SGCG: variants seen among roughly 807,000 people sequenced by gnomAD.
SGCG encodes gamma-sarcoglycan.
SGCG carries 26 observed loss-of-function variants against 29.3 expected under a neutral mutation model. That is an observed-to-expected ratio of 0.89 (90% CI 0.65 to 1.23). The LOEUF (loss-of-function observed/expected upper bound fraction) is 1.23, where lower values mean the gene tolerates loss of function less well. SGCG is among the 50% of genes most tolerant of loss of function. The pLI is 0.00. For synonymous variants in SGCG, 145 were observed against 129.7 expected, an observed-to-expected ratio of 1.12 and a Z score of -0.80; for missense variants, 353 against 356.0, an observed-to-expected ratio of 0.99 and a Z score of 0.07.
intron 5 of SGCG, among the ~76,000 whole-genome samples, chr13:23,285,957 C>T (rs1218211075): frequency 1.3e-5 from 2 of 152,162 alleles, no homozygotes; most frequent in African/African-American, 2.4e-5. Context: ...TAACCAGTCC[C>T]AATGAGATGA....
intron 4 of SGCG, among the ~76,000 whole-genome samples, chr13:23,278,291 A>C (rs535248240): frequency 6.6e-6 from 1 of 152,210 alleles, no homozygotes; most frequent in Non-Finnish European, 1.5e-5. Flanking sequence ...TAAAAATACA[A>C]AATTAGCCGA....
intron 5 of SGCG, among the ~76,000 whole-genome samples, chr13:23,294,016 A>G (rs780267189): frequency 3.9e-5 from 6 of 152,172 alleles, no homozygotes; most frequent in Non-Finnish European, 7.3e-5. Flanking sequence ...AAGCTCCTCA[A>G]CTTGCAATGG....
rs139952931 is a variant in SGCG, at chr13:23,211,621, T to A, written c.195+7732T>A. 2.2e-4 allele frequency among the ~76,000 whole-genome samples: 33 copies of A among 152,330 alleles called. 1 individual carries two copies. In the East Asian group the frequency reaches 6.0e-3, roughly 28 times the overall value. On this transcript the variant is annotated intron_variant, in intron 2 of 7. Transcript: ENST00000218867. The stretch of plus-strand genomic sequence containing the variant: ...ACTGTATTTATCTGATTTTACTTAT[T>A]ATTGAAAATCCATGAGTGGATCCAT...
At chr13:23,237,047 T>C (rs1021435783) in intron 3 of SGCG, among the ~76,000 whole-genome samples, 5 of 152,170 alleles carry the variant, frequency 3.3e-5, no homozygotes, top group East Asian at 3.9e-4. Context: ...GAAATTACTT[T>C]ATGAATTTGC....
At position 23,213,192 on chromosome 13, in the gene SGCG, A is replaced by G. The variant is rs544779913; in HGVS notation, c.195+9303A>G. On this transcript the variant is annotated intron_variant, in intron 2 of 7. Transcript: ENST00000218867. ...GGATTAATTAATTTAAGAAAAGACA[A>G]CAGGGGGCGTGGTGACTCATGCCTG... is the stretch of plus-strand genomic sequence containing the variant. Among the ~76,000 whole-genome samples, 6 of 152,334 alleles carry G rather than the reference A, an allele frequency of 3.9e-5. No homozygotes were observed. The East Asian group carries it at 7.7e-4, about 20-fold the overall frequency.
chr13:23,163,581 C>T, the SGCG span, among the ~76,000 whole-genome samples: 1 of 152,148 alleles, frequency 6.6e-6, no homozygotes, highest in Non-Finnish European at 1.5e-5. Flanking sequence ...AACCTTGAGT[C>T]ATTCCATTAT....
chr13:23,234,620 G>C lies in SGCG; in HGVS notation c.205G>C (p.Gly69Arg). 3 of 1,609,394 alleles carry C rather than the reference G, an allele frequency of 1.9e-6. No homozygotes were observed. The highest frequency in any genetic ancestry group is 2.6e-6 in the Non-Finnish European group (3 of 1,176,280). Residue 69 changes from glycine to arginine, a missense_variant, in exon 3 of 8, where the codon GGC (glycine) becomes CGC (arginine). By Grantham distance (125) the Gly-to-Arg change is moderately radical. Coordinates refer to ENST00000218867, the MANE Select transcript of SGCG (RefSeq NM_000231.3). The stretch of plus-strand genomic sequence containing the variant: ...TTTTTTTTTTTAACAGGCAGGAATG[G>C]GCCACTTGTGTGTAACAAAAGATGG... The part of the protein sequence containing the change: ...KVMWFSPAGM[G>R]HLCVTKDGLR...
chr13:23,262,585 G>T (rs1344320183), intron 4 of SGCG, among the ~76,000 whole-genome samples: 1 of 151,930 alleles, frequency 6.6e-6, no homozygotes, highest in Non-Finnish European at 1.5e-5. Flanking sequence ...TCCACTGACG[G>T]CATTAGACAA....
chr13:23,161,465 T>C, the SGCG span, among the ~76,000 whole-genome samples: 1 of 152,230 alleles, frequency 6.6e-6, no homozygotes, highest in South Asian at 2.1e-4. Context: ...CTCCTGGCTG[T>C]TCCTTAACAC....
chr13:23,177,572 T>C (rs1436684702), upstream of SGCG, among the ~76,000 whole-genome samples: 8 of 139,166 alleles, frequency 5.7e-5, no homozygotes, highest in East Asian at 6.1e-4. Context: ...AGCAGGCTTT[T>C]TTTTTTTTTT....
At chr13:23,270,912 AC>A (rs1477230409) in intron 4 of SGCG, among the ~76,000 whole-genome samples, 1 of 152,146 alleles carries the variant, frequency 6.6e-6, no homozygotes, top group East Asian at 1.9e-4. Flanking sequence ...TGTTATCTGA[AC>A]ATCATTTACT....
At chr13:23,200,465 T>C (rs1820201083) in intron 1 of SGCG, among the ~76,000 whole-genome samples, 1 of 152,194 alleles carries the variant, frequency 6.6e-6, no homozygotes, top group African/African-American at 2.4e-5. Context: ...ATTTTTCCTT[T>C]CAACATTTGT....
At chr13:23,200,202 T>C (rs573738488) in intron 1 of SGCG, among the ~76,000 whole-genome samples, 21 of 152,174 alleles carry the variant, frequency 1.4e-4, no homozygotes, top group Non-Finnish European at 2.8e-4. Flanking sequence ...GCGAGTGGAT[T>C]ACCTGAGGTC....
chr13:23,220,152 A>G (rs996272629), intron 2 of SGCG, among the ~76,000 whole-genome samples: 11 of 151,952 alleles, frequency 7.2e-5, no homozygotes, highest in African/African-American at 2.7e-4. Context: ...ATATTTACCA[A>G]TTAAAAATAA....
chr13:23,188,384 G>A (rs995834827), intron 1 of SGCG, among the ~76,000 whole-genome samples: 2 of 138,548 alleles, frequency 1.4e-5, no homozygotes, highest in Admixed American at 7.7e-5. Context: ...GGAGTGCAAT[G>A]GAGCGATCTC....
At chr13:23,255,050 G>T (rs1160641144) in intron 4 of SGCG, among the ~76,000 whole-genome samples, 1 of 152,226 alleles carries the variant, frequency 6.6e-6, no homozygotes, top group East Asian at 1.9e-4. Context: ...GAGGAAATGT[G>T]GGGGTGAAAG....
At chr13:23,250,275 C>T (rs888207258) in intron 3 of SGCG, among the ~76,000 whole-genome samples, 12 of 152,096 alleles carry the variant, frequency 7.9e-5, no homozygotes, top group African/African-American at 1.2e-4. Flanking sequence ...AAGTATATGG[C>T]ATTTCTATTA....
intron 4 of SGCG, among the ~76,000 whole-genome samples, chr13:23,271,979 C>G (rs1345314202): frequency 1.3e-5 from 2 of 152,066 alleles, no homozygotes; most frequent in African/African-American, 4.8e-5. Flanking sequence ...TGTATGTATT[C>G]AAGTTATTGG....
chr13:23,202,183 A>G (rs1320166690), intron 1 of SGCG, among the ~76,000 whole-genome samples: 1 of 152,212 alleles, frequency 6.6e-6, no homozygotes, highest in East Asian at 1.9e-4. Context: ...TCCGGCTCAT[A>G]TAGGGTCTTG....
Sources: allele counts gnomAD v4.1 joint callset (sites outside exome capture counted in the v4.1 genomes callset), GRCh38; gene constraint gnomAD v4.1.1; transcripts MANE v1.5; gene names NCBI Gene and HGNC (gene_info 2026-07-23, HGNC 2026-07-21).